Variants in ERO1A observed in about 807,000 individuals in gnomAD.
ERO1A encodes the protein ERO1-like protein alpha.
Under a neutral mutation model 76.9 loss-of-function variants are expected in ERO1A, and 49 were observed. That is an observed-to-expected ratio of 0.64 (90% CI 0.51 to 0.81). ERO1A has a LOEUF of 0.81. Among genes scored for constraint, ERO1A ranks in the 30% least tolerant of loss-of-function variants. The pLI is 0.00. For missense variants in ERO1A, 448 were observed against 542.1 expected, an observed-to-expected ratio of 0.83 and a Z score of 1.72; for synonymous variants, 174 against 181.2, an observed-to-expected ratio of 0.96 and a Z score of 0.32.
chr14:52,651,187 C>T (rs1566635221), intron 13 of ERO1A, among the ~76,000 whole-genome samples: 1 of 151,020 alleles, frequency 6.6e-6, no homozygotes, highest in Non-Finnish European at 1.5e-5. Flanking sequence ...ACTCAGAAAG[C>T]TGAGGTGGGA....
chr14:52,670,563 G>C (rs1286341044), intron 6 of ERO1A, among the ~76,000 whole-genome samples: 4 of 152,110 alleles, frequency 2.6e-5, no homozygotes, highest in Non-Finnish European at 5.9e-5. Context: ...TAATGAATCT[G>C]GGGCTCCTAG....
At chr14:52,644,950 T>C (rs1302178567) in intron 15 of ERO1A, among the ~76,000 whole-genome samples, 1 of 152,198 alleles carries the variant, frequency 6.6e-6, no homozygotes, top group African/African-American at 2.4e-5. Flanking sequence ...TGTAGTCCTT[T>C]AAAAAATGTT....
intron 2 of ERO1A, among the ~76,000 whole-genome samples, chr14:52,683,127 G>A (rs2041055064): frequency 6.6e-6 from 1 of 152,070 alleles, no homozygotes; most frequent in African/African-American, 2.4e-5. Flanking sequence ...AGAATTGCCT[G>A]AACCCAGGAG....
At chr14:52,671,759 AGAAAC>A in intron 5 of ERO1A, 31 bp downstream of exon 5, 1 of 1,584,462 alleles carries the variant, frequency 6.3e-7, no homozygotes. Context: ...TGTAACATAA[AGAAAC>A]ATGAAATACT....
At chr14:52,652,150 CCTACTCTCTACTT>C in intron 13 of ERO1A, 76 bp downstream of exon 13, 5 of 797,432 alleles carry the variant, frequency 6.3e-6, no homozygotes, top group Non-Finnish European at 1.0e-5. Context: ...ACTTCTATGG[CCTACTCTCTACTT>C]CTATGAGTAC....
chr14:52,671,958 T>C (rs2040613831), intron 4 of ERO1A, 87 bp from the exon 5 acceptor site: 2 of 905,338 alleles, frequency 2.2e-6, no homozygotes, highest in African/African-American at 1.7e-5. Flanking sequence ...AAGCTCTTTT[T>C]ATTTTTTTTA....
At chr14:52,673,374 GCCA>G (rs1264847121) in intron 4 of ERO1A, among the ~76,000 whole-genome samples, 12 of 152,202 alleles carry the variant, frequency 7.9e-5, no homozygotes, top group Non-Finnish European at 1.6e-4. Flanking sequence ...ACAGGCATGA[GCCA>G]CCACATCTAG....
chr14:52,672,051 T>A (rs1191080978), intron 4 of ERO1A, 180 bp from the exon 5 acceptor site: 1 of 493,776 alleles, frequency 2.0e-6, no homozygotes, highest in East Asian at 3.6e-5. Context: ...ACGCCTATAA[T>A]CCCGGCACTG....
At chr14:52,672,809 C>G (rs374473462) in intron 4 of ERO1A, among the ~76,000 whole-genome samples, 6 of 125,962 alleles carry the variant, frequency 4.8e-5, no homozygotes, top group South Asian at 2.5e-4. Context: ...AACAAACAAA[C>G]AAAAAAAATT....
At chr14:52,644,206 C>T (rs189156980) in intron 15 of ERO1A, among the ~76,000 whole-genome samples, 52 of 152,186 alleles carry the variant, frequency 3.4e-4, no homozygotes, top group East Asian at 1.7e-3. Flanking sequence ...GTAATCCCAG[C>T]GCTTTGGGAG....
chr14:52,646,254 A>G lies in ERO1A; in HGVS notation c.1246T>C (p.Phe416Leu), dbSNP rs2039650241. 1.9e-6 allele frequency: 3 copies of G among 1,613,816 alleles called. No individual in the cohort carries two copies. Among genetic ancestry groups the G allele is most frequent in the Non-Finnish European group, 2.5e-6 (3 of 1,179,944 alleles). The stretch of plus-strand genomic sequence containing the variant: ...ATATTTGCTATCAATTTCTCAGAAA[A>G]TAAGATCTTCAGAGCAGTGCCCAAA... ...QGLGTALKILFSEKLIANMPE... is the reference protein window; with the variant it reads ...QGLGTALKILLSEKLIANMPE... The change falls in exon 15 of 16, where the codon TTT becomes CTT. Residue 416 changes from phenylalanine to leucine, a missense_variant. By Grantham distance (22) the Phe-to-Leu change is conservative (BLOSUM62 0). Around this residue, in one of 2 missense-constraint regions of ERO1A, gnomAD observed 302 missense variants for 411.9 expected, o/e 0.73. Transcript: ENST00000395686.
chr14:52,673,746 C>T (rs1261366331), intron 4 of ERO1A, among the ~76,000 whole-genome samples: 1 of 18,166 alleles, frequency 5.5e-5, no homozygotes, highest in Non-Finnish European at 1.0e-4. Flanking sequence ...AACAATTACT[C>T]CTTTTTTTTG....
At position 52,640,628 on chromosome 14, in the gene ERO1A, G is replaced by C. The variant is rs2039439662; in HGVS notation, c.*2942C>G. 6.6e-6 allele frequency: 1 copy of C among 152,204 alleles called. No homozygotes were observed. The highest frequency in any genetic ancestry group is 2.4e-5 in the African/African-American group (1 of 41,444). 9.4% of individuals were successfully genotyped at this position (152,204 alleles called of 1,614,324 possible). A position where few individuals can be genotyped will look rare whatever the true frequency, so the allele number is the denominator to read the frequency against. On this transcript the variant is annotated 3_prime_UTR_variant, in exon 16 of 16. Transcript: ENST00000395686. ...ACAGAGAGGAGACCAGCTAGGTATA[G>C]GAGGCAGGTTAGTACTGTAGGTATT...
rs754294530 is a variant in ERO1A at position 52,683,768 on chromosome 14, A to T, written c.234+20T>A. Reference sequence around the variant, plus strand: ...ATCCATTTAAAGTATTCATATATAAAAAATTAAAATTAAAAATACCTTGTA... The same window carrying T: ...ATCCATTTAAAGTATTCATATATAATAAATTAAAATTAAAAATACCTTGTA... On this transcript the variant is annotated intron_variant, in intron 2 of 15. Transcript: ENST00000395686. The T allele has an allele frequency of 5.2e-6, 6 of 1,152,698 alleles. No individual in the cohort carries two copies. In the South Asian group the frequency reaches 1.1e-4, roughly 20 times the overall value. The allele number at this position is 1,152,698 out of a possible 1,614,324, so 71.4% of individuals were successfully genotyped here.
chr14:52,686,092 G>T (rs2041168457), intron 1 of ERO1A, among the ~76,000 whole-genome samples: 2 of 152,136 alleles, frequency 1.3e-5, no homozygotes, highest in South Asian at 4.1e-4. Context: ...CATGCCTGTT[G>T]TCCCAGCTAC....
intron 11 of ERO1A, among the ~76,000 whole-genome samples, chr14:52,654,901 G>C (rs1202252331): frequency 6.6e-6 from 1 of 152,110 alleles, no homozygotes; most frequent in Non-Finnish European, 1.5e-5. Context: ...TGTAGGTTTT[G>C]ATGAGAAAGT....
chr14:52,672,680 G>T (rs1286733655), intron 4 of ERO1A, among the ~76,000 whole-genome samples: 1 of 151,200 alleles, frequency 6.6e-6, no homozygotes, highest in Non-Finnish European at 1.5e-5. Context: ...TGAGGTGGCA[G>T]GATTGCTTGA....
In ERO1A at chr14:52,643,642, A is replaced by C. The variant is rs764911470; in HGVS notation, c.1347-12T>G. 34 of 1,400,914 alleles carry C rather than the reference A, an allele frequency of 2.4e-5. No individual in the cohort carries two copies. The highest frequency in any genetic ancestry group is 3.2e-5 in the Non-Finnish European group (34 of 1,049,626). The allele number at this position is 1,400,914 out of a possible 1,614,324, so 86.8% of individuals were successfully genotyped here. On this transcript the variant is annotated splice_polypyrimidine_tract_variant and intron_variant, in intron 15 of 15. Transcript: ENST00000395686. ...CACTTGTAGAAATTCTGTAACCAAA[A>C]AATATTTCACTCAGAAACCATCTTA...
chr14:52,680,082 C>CA (rs35358193), intron 3 of ERO1A, among the ~76,000 whole-genome samples: 70 of 90,900 alleles, frequency 7.7e-4, no homozygotes, highest in South Asian at 2.1e-3. Flanking sequence ...AAAACACAAA[C>CA]AAAAAAAAAA....
Sources: allele counts gnomAD v4.1 joint callset (sites outside exome capture counted in the v4.1 genomes callset), GRCh38; gene constraint gnomAD v4.1.1; regional missense constraint gnomAD v4.1.1; transcripts MANE v1.5; gene names NCBI Gene and HGNC (gene_info 2026-07-23, HGNC 2026-07-21).